MAP2K1: variants seen among roughly 807,000 people sequenced by gnomAD.
MAP2K1 encodes the protein mitogen-activated protein kinase kinase 1.
Under a neutral mutation model 46.3 loss-of-function variants are expected in MAP2K1, and 16 were observed. The ratio of observed to expected loss-of-function variants is 0.35; its 90% CI spans 0.23 to 0.52. The LOEUF is 0.52. MAP2K1 is among the 20% of genes least tolerant of loss of function. The probability of loss-of-function intolerance (pLI) is 0.94; values close to 1 mark genes in which losing one functional copy is unlikely to be tolerated. For missense variants in MAP2K1, 263 were observed against 497.1 expected (o/e 0.53, Z 4.48); for synonymous variants, 183 against 185.6 (o/e 0.99, Z 0.11).
At chr15:66,404,277 G>T (rs183421504) in intron 1 of MAP2K1, among the ~76,000 whole-genome samples, 118 of 152,268 alleles carry the variant, frequency 7.7e-4, no homozygotes, top group African/African-American at 2.5e-3. Flanking sequence ...ACTTGAACCA[G>T]GGAGGTGGTG....
intron 5 of MAP2K1, among the ~76,000 whole-genome samples, chr15:66,474,302 C>G (rs1264025480): frequency 1.3e-5 from 2 of 152,172 alleles, no homozygotes; most frequent in African/African-American, 4.8e-5. Context: ...TGTTTGAATT[C>G]AGTTGCTAAT....
intron 1 of MAP2K1, among the ~76,000 whole-genome samples, chr15:66,433,851 T>G (rs1022571041): frequency 5.3e-5 from 8 of 152,202 alleles, no homozygotes; most frequent in Non-Finnish European, 1.2e-4. Flanking sequence ...TGAAACACAG[T>G]GGAAACTCTT....
In MAP2K1 at chr15:66,387,167, A is replaced by C; in HGVS notation, c.-181A>C. 1 of 495,050 alleles carries C rather than the reference A, an allele frequency of 2.0e-6. No homozygotes were observed. Among genetic ancestry groups the C allele is most frequent in the Non-Finnish European group, 3.6e-6 (1 of 278,984 alleles). 30.7% of individuals were successfully genotyped at this position (495,050 alleles called of 1,614,324 possible). A position where few individuals can be genotyped will look rare whatever the true frequency, so the allele number is the denominator to read the frequency against. ...TCCCGGGCGGGTGGGGCGGGGGTCC[A>C]CTGAGACCGCTACCGGCCCCTCGGC... On this transcript the variant is annotated 5_prime_UTR_variant, in exon 1 of 11. Transcript: ENST00000307102.
At chr15:66,487,067 C>T (rs1027619449) in intron 7 of MAP2K1, among the ~76,000 whole-genome samples, 161 bp from the exon 8 acceptor site, 3 of 152,148 alleles carry the variant, frequency 2.0e-5, no homozygotes, top group African/African-American at 7.2e-5. Flanking sequence ...TGTACCCTGG[C>T]CTTTGCTGGT....
rs186726248 is a variant in MAP2K1, at chr15:66,471,802, G to A, written c.569-9953G>A. 1.2e-3 allele frequency among the ~76,000 whole-genome samples: 181 copies of A among 152,170 alleles called. 1 individual carries two copies. The highest frequency in any genetic ancestry group is 1.7e-3 in the Admixed American group (26 of 15,270). On this transcript the variant is annotated intron_variant, in intron 5 of 10. Transcript: ENST00000307102. ...CTTTAAAAAGATGCTGTTAGTGGCC[G>A]GGCATGGTGGCTCACCCTATAATCC...
intron 5 of MAP2K1, among the ~76,000 whole-genome samples, chr15:66,472,886 A>G (rs191618115): frequency 6.6e-6 from 1 of 152,266 alleles, no homozygotes; most frequent in Admixed American, 6.5e-5. Context: ...ATTCTTTCCT[A>G]CTTACTCATT....
intron 5 of MAP2K1, chr15:66,453,577 G>A: frequency 2.8e-6 from 2 of 702,294 alleles, no homozygotes; most frequent in Non-Finnish European, 5.2e-6. Context: ...CTGAGTTCAG[G>A]TGAAAATGAG....
rs1567007437 is a variant in MAP2K1 at position 66,429,679 on chromosome 15, GTCCCCC to G, written c.81-5347_81-5342del. Among the ~76,000 whole-genome samples the G allele has an allele frequency of 1.1e-4, 2 of 18,832 alleles. 1 individual carries two copies. The highest frequency in any genetic ancestry group is 2.4e-4 in the Non-Finnish European group (2 of 8,192). The allele number at this position is 18,832 out of a possible 152,430, so 12.4% of individuals were successfully genotyped here. ...GCACTGCGGCGCCCCCCCCCCCCCCGTCCCCCCCAACACAGATGGGCTAGCCTGGGG... is the reference window on the plus strand; with the variant it reads ...GCACTGCGGCGCCCCCCCCCCCCCCGCCAACACAGATGGGCTAGCCTGGGG... On this transcript the variant is annotated intron_variant, in intron 1 of 10. Coordinates refer to ENST00000307102, the MANE Select transcript of MAP2K1 (RefSeq NM_002755.4).
intron 1 of MAP2K1, among the ~76,000 whole-genome samples, chr15:66,426,133 G>A (rs1192533524): frequency 2.2e-5 from 2 of 91,190 alleles, no homozygotes; most frequent in Non-Finnish European, 4.2e-5. Flanking sequence ...GAATACGTAA[G>A]TGTTTTTTCT....
At chr15:66,434,057 C>T (rs1201715405) in intron 1 of MAP2K1, among the ~76,000 whole-genome samples, 1 of 152,192 alleles carries the variant, frequency 6.6e-6, no homozygotes, top group Non-Finnish European at 1.5e-5. Context: ...CCCATTTGTT[C>T]AGCTGTAGCT....
chr15:66,447,402 G>T (rs1437376153), intron 5 of MAP2K1, among the ~76,000 whole-genome samples: 1 of 151,940 alleles, frequency 6.6e-6, no homozygotes, highest in Admixed American at 6.6e-5. Flanking sequence ...TTAGAAATAG[G>T]CAATTAGCTG....
chr15:66,441,799 A>T (rs1649819784), intron 3 of MAP2K1, among the ~76,000 whole-genome samples: 1 of 152,170 alleles, frequency 6.6e-6, no homozygotes, highest in African/African-American at 2.4e-5. Flanking sequence ...GCATTTGATA[A>T]ATGATAGAAG....
rs2093342915 is a variant in MAP2K1 at position 66,387,137 on chromosome 15, C to G, written c.-211C>G. ...GCCTTTCGGCTCTCTGCGCGCGAAG[C>G]CGAGTCCCGGGCGGGTGGGGCGGGG... On this transcript the variant is annotated 5_prime_UTR_variant, in exon 1 of 11. Coordinates refer to ENST00000307102, the MANE Select transcript of MAP2K1 (RefSeq NM_002755.4). 1 of 454,520 alleles carries G rather than the reference C, an allele frequency of 2.2e-6. No homozygotes were observed. The highest frequency in any genetic ancestry group is 3.9e-6 in the Non-Finnish European group (1 of 256,836). The allele number at this position is 454,520 out of a possible 1,614,324, so 28.2% of individuals were successfully genotyped here.
rs534293059 is a variant in MAP2K1, at chr15:66,486,047, C to T, written c.895+856C>T. Among the ~76,000 whole-genome samples, 470 of 151,978 alleles carry T rather than the reference C, an allele frequency of 3.1e-3. 2 individuals carry two copies. Among genetic ancestry groups the T allele is most frequent in the Non-Finnish European group, 4.3e-3 (289 of 67,942 alleles). On this transcript the variant is annotated intron_variant, in intron 7 of 10. Coordinates refer to ENST00000307102, the MANE Select transcript of MAP2K1 (RefSeq NM_002755.4). ...CTGAGTAGCTGAGACCACAGGCATG[C>T]GCCACCATGCCTGACTAATTTTTTT...
intron 1 of MAP2K1, among the ~76,000 whole-genome samples, chr15:66,390,350 G>C (rs536065954): frequency 6.6e-6 from 1 of 152,274 alleles, no homozygotes; most frequent in East Asian, 1.9e-4. Flanking sequence ...AAAGAATTCT[G>C]TTGCTTTCAT....
In MAP2K1 at chr15:66,464,559, T is replaced by C. The variant is rs578108747; in HGVS notation, c.569-17196T>C. Among the ~76,000 whole-genome samples the C allele has an allele frequency of 2.0e-5, 3 of 152,254 alleles. No individual in the cohort carries two copies. In the East Asian group the frequency reaches 5.8e-4, roughly 29 times the overall value. On this transcript the variant is annotated intron_variant, in intron 5 of 10. Coordinates refer to ENST00000307102, the MANE Select transcript of MAP2K1 (RefSeq NM_002755.4). ...TTTGTTTTGAGACGGAGTTTTGCTC[T>C]TGTTGCCCAGGCTAGAGTGCAGTGG...
intron 1 of MAP2K1, among the ~76,000 whole-genome samples, chr15:66,420,706 CAT>C (rs752935675): frequency 0.054 from 1,111 of 20,422 alleles, 203 homozygotes; most frequent in African/African-American, 0.16. Flanking sequence ...TTACTCTTGG[CAT>C]ATATATATAT....
chr15:66,439,620 G>A (rs1170425964), intron 3 of MAP2K1, among the ~76,000 whole-genome samples: 3 of 152,156 alleles, frequency 2.0e-5, no homozygotes, highest in Non-Finnish European at 4.4e-5. Flanking sequence ...TGCAAAATTA[G>A]CCAGGCGTGG....
At chr15:66,399,459 T>A (rs1363689636) in intron 1 of MAP2K1, among the ~76,000 whole-genome samples, 1 of 152,118 alleles carries the variant, frequency 6.6e-6, no homozygotes, top group Non-Finnish European at 1.5e-5. Context: ...CCCCCTCTTT[T>A]TTTTTGAGAT....
Sources: allele counts gnomAD v4.1 joint callset (sites outside exome capture counted in the v4.1 genomes callset), GRCh38; gene constraint gnomAD v4.1.1; transcripts MANE v1.5; gene names NCBI Gene and HGNC (gene_info 2026-07-23, HGNC 2026-07-21).